The following ACOXL variants were observed in gnomAD, a reference collection of about 807,000 sequenced individuals.
The protein encoded by ACOXL is acyl-coenzyme A oxidase-like protein.
Under a neutral mutation model 71.9 loss-of-function variants are expected in ACOXL, and 70 were observed. That is an observed-to-expected ratio of 0.97 (90% CI 0.80 to 1.19). ACOXL has a LOEUF of 1.19. ACOXL is among the 50% of genes most tolerant of loss of function. The pLI is 0.00. For synonymous variants in ACOXL, 253 were observed against 281.6 expected, an observed-to-expected ratio of 0.90 and a Z score of 1.02; for missense variants, 703 against 736.3, an observed-to-expected ratio of 0.95 and a Z score of 0.52.
intron 9 of ACOXL, among the ~76,000 whole-genome samples, chr2:110,835,186 G>C (rs1411139818): frequency 6.6e-6 from 1 of 152,110 alleles, no homozygotes; most frequent in African/African-American, 2.4e-5. Flanking sequence ...AGCAAATCTG[G>C]AAAGAGCCTA....
intron 16 of ACOXL, among the ~76,000 whole-genome samples, chr2:111,054,017 T>C (rs181656938): frequency 6.6e-6 from 1 of 152,252 alleles, no homozygotes; most frequent in Admixed American, 6.5e-5. Context: ...GAGCAAGCCT[T>C]CCCTGCTCTA....
chr2:110,958,933 T>G (rs1419542349), intron 12 of ACOXL, among the ~76,000 whole-genome samples: 2 of 152,206 alleles, frequency 1.3e-5, no homozygotes, highest in Non-Finnish European at 2.9e-5. Context: ...CTAATGGATC[T>G]TTTCCACCTG....
intron 10 of ACOXL, among the ~76,000 whole-genome samples, chr2:110,868,464 C>T (rs551047015): frequency 6.6e-6 from 1 of 152,364 alleles, no homozygotes; most frequent in Non-Finnish European, 1.5e-5. Flanking sequence ...CAGGAACGCT[C>T]TTCTCTATCG....
intron 10 of ACOXL, among the ~76,000 whole-genome samples, chr2:110,890,984 A>G (rs1697864041): frequency 6.6e-6 from 1 of 152,098 alleles, no homozygotes; most frequent in South Asian, 2.1e-4. Flanking sequence ...TTTTCAGTAC[A>G]CAAGTGTTAT....
rs549350959 is a variant in ACOXL, at chr2:110,992,995, A to G, written c.1170-2898A>G. Among the ~76,000 whole-genome samples the G allele has an allele frequency of 2.6e-5, 4 of 152,356 alleles. No homozygotes were observed. The South Asian group carries it at 8.3e-4, about 32-fold the overall frequency. ...ATCAACCTATTACTGTACCTGCTAT[A>G]TCACTATCATATCTATGGATCTGTG... On this transcript the variant is annotated intron_variant, in intron 13 of 17. Coordinates refer to ENST00000439055, the MANE Select transcript of ACOXL (RefSeq NM_001142807.4).
At chr2:110,739,966 G>C (rs72828859) in intron 1 of ACOXL, among the ~76,000 whole-genome samples, 3,807 of 152,286 alleles carry the variant, frequency 0.025, 71 homozygotes, top group East Asian at 0.056. Flanking sequence ...AATATGTTCT[G>C]ATATCCAGAA....
chr2:110,822,422 G>C (rs1437209552), intron 9 of ACOXL, among the ~76,000 whole-genome samples: 1 of 151,998 alleles, frequency 6.6e-6, no homozygotes, highest in Admixed American at 6.5e-5. Context: ...CAGCCTTCAC[G>C]TATGCCGGTT....
intron 11 of ACOXL, among the ~76,000 whole-genome samples, chr2:110,917,729 C>A (rs2059917757): frequency 6.6e-6 from 1 of 152,158 alleles, no homozygotes. Context: ...AATCAATGTG[C>A]AAAAATCACA....
chr2:111,025,143 A>G (rs2064959271), intron 14 of ACOXL, among the ~76,000 whole-genome samples: 1 of 152,164 alleles, frequency 6.6e-6, no homozygotes, highest in African/African-American at 2.4e-5. Context: ...ATAATTTAAT[A>G]GAAATGGAAC....
intron 10 of ACOXL, among the ~76,000 whole-genome samples, chr2:110,894,353 A>G (rs2058917251): frequency 6.6e-6 from 1 of 151,710 alleles, no homozygotes; most frequent in African/African-American, 2.4e-5. Flanking sequence ...AAAAGCCCAA[A>G]TGAGCCTGCT....
intron 14 of ACOXL, chr2:111,018,146 G>A (rs1226973335): frequency 6.6e-6 from 1 of 152,258 alleles, no homozygotes; most frequent in African/African-American, 2.4e-5. Flanking sequence ...CAGTTCTGAG[G>A]TGTGAGGATG....
At chr2:111,061,485 A>G (rs544838355) in intron 16 of ACOXL, among the ~76,000 whole-genome samples, 32 of 152,306 alleles carry the variant, frequency 2.1e-4, no homozygotes, top group Middle Eastern at 3.4e-3. Context: ...AAATAAGTAC[A>G]CTAACAAAGT....
At chr2:110,963,726 A>C in intron 12 of ACOXL, 1 of 1,613,594 alleles carries the variant, frequency 6.2e-7, no homozygotes, top group Non-Finnish European at 8.5e-7. Flanking sequence ...AAGATTCGGG[A>C]AATGTTTTCA....
In ACOXL at chr2:110,778,823, G is replaced by A. The variant is rs150763702; in HGVS notation, c.76-5909G>A. Among the ~76,000 whole-genome samples, 463 of 152,192 alleles carry A rather than the reference G, an allele frequency of 3.0e-3. 1 individual carries two copies. The highest frequency in any genetic ancestry group is 6.8e-3 in the Middle Eastern group (2 of 294). On this transcript the variant is annotated intron_variant, in intron 2 of 17. Transcript: ENST00000439055. The stretch of plus-strand genomic sequence containing the variant: ...TATCTCTCACAATGTAGAATAATGG[G>A]AACAATATTTGCTCATGGGCCAAAA...
intron 14 of ACOXL, among the ~76,000 whole-genome samples, chr2:111,022,896 A>G (rs1186228140): frequency 6.6e-6 from 1 of 152,244 alleles, no homozygotes; most frequent in East Asian, 1.9e-4. Flanking sequence ...TGGCCTGGGA[A>G]GATCTGGCTT....
intron 1 of ACOXL, among the ~76,000 whole-genome samples, chr2:110,760,171 A>G (rs59258102): frequency 0.043 from 6,148 of 144,424 alleles, 180 homozygotes; most frequent in African/African-American, 0.07. Flanking sequence ...ATGGAGTCTC[A>G]CTCTGTTGCC....
At chr2:110,875,385 C>G (rs953918364) in intron 10 of ACOXL, among the ~76,000 whole-genome samples, 1 of 152,174 alleles carries the variant, frequency 6.6e-6, no homozygotes, top group Admixed American at 6.5e-5. Flanking sequence ...AACACTGTGT[C>G]ACCGCAAGCC....
At chr2:110,899,737 T>A (rs1513825) in intron 10 of ACOXL, among the ~76,000 whole-genome samples, 49,655 of 151,816 alleles carry the variant, frequency 0.33, 8,330 homozygotes, top group Middle Eastern at 0.39. Flanking sequence ...TATACAATTT[T>A]AAAAAAAATC....
intron 10 of ACOXL, among the ~76,000 whole-genome samples, chr2:110,858,927 T>G (rs1017089794): frequency 2.2e-4 from 34 of 152,202 alleles, no homozygotes; most frequent in African/African-American, 6.8e-4. Context: ...TATTTAATCC[T>G]TTGAAGAGAG....
Sources: gnomAD v4.1 joint callset for allele counts (sites outside exome capture counted in the v4.1 genomes callset) on GRCh38, gnomAD v4.1.1 for gene constraint, MANE v1.5 for transcripts, NCBI Gene and HGNC (gene_info 2026-07-23, HGNC 2026-07-21) for gene names.